Variants in IWS1 observed in about 807,000 individuals in gnomAD.
IWS1 encodes interacts with SUPT6H, CTD assembly factor 1, also known as protein IWS1 homolog.
In IWS1, 27 loss-of-function variants were observed where a neutral mutation model predicts 86.7. That is an observed-to-expected ratio of 0.31 (90% CI 0.23 to 0.43). IWS1 has a LOEUF of 0.43. Ranked by LOEUF, IWS1 falls within the 20% of genes least tolerant of loss-of-function variation. The pLI is 1.00. For synonymous variants in IWS1, 313 were observed against 335.1 expected (o/e 0.93, Z 0.72); for missense variants, 827 against 1,000.8 (o/e 0.83, Z 2.34).
Position 127,496,550 on chromosome 2 carries a change from TACACAC to T in IWS1, c.1566-408_1566-403del, listed in dbSNP as rs36048775. On this transcript the variant is annotated intron_variant, in intron 6 of 13. Transcript: ENST00000295321. ...TAAACAGGTGTACCATATTTTATCA[TACACAC>T]ACACACACACACACACACACACACA... 1.4e-3 allele frequency among the ~76,000 whole-genome samples: 192 copies of T among 140,426 alleles called. 2 individuals carry two copies. The highest frequency in any genetic ancestry group is 4.2e-3 in the African/African-American group (160 of 38,044). 92.1% of individuals were successfully genotyped at this position (140,426 alleles called of 152,430 possible). A position where few individuals can be genotyped will look rare whatever the true frequency, so the allele number is the denominator to read the frequency against.
intron 6 of IWS1, among the ~76,000 whole-genome samples, chr2:127,497,635 T>TA (rs1449530311): frequency 1.3e-5 from 2 of 152,208 alleles, no homozygotes; most frequent in Admixed American, 1.3e-4. Context: ...CACTAGGAAT[T>TA]AAAAATGAAA....
chr2:127,486,386 C>T, intron 13 of IWS1, 167 bp downstream of exon 13: 1 of 549,352 alleles, frequency 1.8e-6, no homozygotes, highest in South Asian at 2.2e-5. Context: ...TAATACTTTT[C>T]CTTTCTCTAT....
chr2:127,495,027 G>A (rs1479468357), intron 7 of IWS1, 73 bp from the exon 8 acceptor site: 7 of 878,374 alleles, frequency 8.0e-6, no homozygotes, highest in Admixed American at 2.6e-5. Context: ...CTGTAATTCT[G>A]AACCTTAAAA....
Position 127,502,824 on chromosome 2 carries a change from TTCTTCC to T in IWS1, c.1452_1457del (p.Glu486_Glu487del). ...TCCATCTTATACTTACTGTAAATTC[TTCTTCC>T]TCTTCATCACCAGATTCTCCAAATA... On this transcript the variant is annotated inframe_deletion, in exon 5 of 14. Coordinates refer to ENST00000295321, the MANE Select transcript of IWS1 (RefSeq NM_017969.3). The T allele has an allele frequency of 6.5e-7, 1 of 1,539,472 alleles. No individual in the cohort carries two copies. Among genetic ancestry groups the T allele is most frequent in the Non-Finnish European group, 9.0e-7 (1 of 1,115,300 alleles).
intron 13 of IWS1, among the ~76,000 whole-genome samples, chr2:127,483,235 C>T (rs752788633): frequency 1.5e-4 from 23 of 151,992 alleles, no homozygotes; most frequent in Admixed American, 5.2e-4. Flanking sequence ...AAGTATTCCA[C>T]GGAGTAAATG....
intron 3 of IWS1, 94 bp from the exon 4 acceptor site, chr2:127,503,670 AAAT>A (rs1321367024): frequency 6.1e-4 from 27 of 44,072 alleles, no homozygotes; most frequent in Non-Finnish European, 7.6e-4. Context: ...TATACAGCAA[AAAT>A]AAATAAATAA....
At chr2:127,497,745 C>T (rs1690588738) in intron 6 of IWS1, among the ~76,000 whole-genome samples, 1 of 152,138 alleles carries the variant, frequency 6.6e-6, no homozygotes, top group Non-Finnish European at 1.5e-5. Flanking sequence ...ACATAGATTC[C>T]AACTAGCTCA....
intron 2 of IWS1, among the ~76,000 whole-genome samples, chr2:127,512,863 A>G (rs928069009): frequency 6.6e-6 from 1 of 152,264 alleles, no homozygotes; most frequent in Non-Finnish European, 1.5e-5. Flanking sequence ...TGTTTATTGA[A>G]AGACATGAAT....
chr2:127,516,272 C>T (rs1283813118), intron 2 of IWS1, among the ~76,000 whole-genome samples: 1 of 152,172 alleles, frequency 6.6e-6, no homozygotes, highest in East Asian at 1.9e-4. Context: ...AGGAGAATCT[C>T]TTCAACCTGG....
intron 2 of IWS1, among the ~76,000 whole-genome samples, chr2:127,507,535 T>G (rs1001071981): frequency 6.6e-6 from 1 of 152,218 alleles, no homozygotes; most frequent in African/African-American, 2.4e-5. Flanking sequence ...CACTTATCTA[T>G]TAAAACGGTA....
At chr2:127,500,603 T>C (rs56327685) in intron 5 of IWS1, among the ~76,000 whole-genome samples, 20,692 of 152,188 alleles carry the variant, frequency 0.14, 1,717 homozygotes, top group South Asian at 0.3. Flanking sequence ...ATTTTCAGCT[T>C]TACCTTCTGT....
At chr2:127,509,707 CAAAAAAAAAAAA>C (rs34526019) in intron 2 of IWS1, among the ~76,000 whole-genome samples, 4 of 55,484 alleles carry the variant, frequency 7.2e-5, no homozygotes, top group South Asian at 2.4e-3. Context: ...CACTCCATCT[CAAAAAAAAAAAA>C]AAAAAAAAAA....
chr2:127,512,459 G>A (rs1282917500), intron 2 of IWS1, among the ~76,000 whole-genome samples: 1 of 152,120 alleles, frequency 6.6e-6, no homozygotes, highest in Non-Finnish European at 1.5e-5. Flanking sequence ...ACCACAAAAG[G>A]TGTGAAGCCA....
intron 9 of IWS1, chr2:127,492,981 TG>T: frequency 5.1e-6 from 1 of 195,554 alleles, no homozygotes; most frequent in Non-Finnish European, 1.0e-5. Context: ...CATATGATTC[TG>T]AATTTGGTGT....
At position 127,482,568 on chromosome 2, in the gene IWS1, C is replaced by T. The variant is rs150111859; in HGVS notation, c.2329-1393G>A. The T allele has an allele frequency of 8.1e-3, 1,237 of 152,334 alleles. 15 individuals are homozygous for T. The Middle Eastern group carries it at 0.088, about 11-fold the overall frequency. The allele number at this position is 152,334 out of a possible 1,614,324, so 9.4% of individuals were successfully genotyped here. A position where few individuals can be genotyped will look rare whatever the true frequency, so the allele number is the denominator to read the frequency against. On this transcript the variant is annotated intron_variant, in intron 13 of 13. Transcript: ENST00000295321. ...ACTTGGTCCACATCGGAAGCTTTAC[C>T]TGCTCAAATCTCTGCCAACTACACA...
At chr2:127,495,475 T>C (rs1238777748) in intron 7 of IWS1, among the ~76,000 whole-genome samples, 3 of 152,250 alleles carry the variant, frequency 2.0e-5, no homozygotes. Context: ...TTTTAGCTAC[T>C]TTCCCTCCAT....
intron 9 of IWS1, 55 bp downstream of exon 9, chr2:127,493,222 TGACC>T: frequency 6.7e-7 from 1 of 1,501,908 alleles, no homozygotes; most frequent in African/African-American, 1.4e-5. Context: ...ACACAGGTTA[TGACC>T]ATACAGACCA....
chr2:127,483,603 GCTGTGTGTGTGTGTGT>G (rs1689766054), intron 13 of IWS1, among the ~76,000 whole-genome samples: 1 of 8,424 alleles, frequency 1.2e-4, no homozygotes, highest in Non-Finnish European at 4.9e-4. Context: ...GGGGGGTTGG[GCTGTGTGTGTGTGTGT>G]GTGTGCGTGT....
intron 2 of IWS1, among the ~76,000 whole-genome samples, chr2:127,510,007 A>G (rs111951494): frequency 3.9e-5 from 6 of 152,224 alleles, no homozygotes; most frequent in African/African-American, 1.4e-4. Context: ...CAAATAACTC[A>G]GGACACTTTG....
Sources: gnomAD v4.1 joint callset for allele counts (sites outside exome capture counted in the v4.1 genomes callset) on GRCh38, gnomAD v4.1.1 for gene constraint, MANE v1.5 for transcripts, NCBI Gene and HGNC (gene_info 2026-07-23, HGNC 2026-07-21) for gene names.